Variants in SEM1 observed in about 807,000 individuals in gnomAD.
SEM1 encodes 26S proteasome complex subunit SEM1.
A neutral mutation model predicts 12.7 loss-of-function variants in SEM1; 3 were observed. The ratio of observed to expected loss-of-function variants is 0.24; its 90% CI spans 0.11 to 0.61. The LOEUF is 0.61. SEM1 is among the 20% of genes least tolerant of loss of function. SEM1 has a pLI of 0.88. For missense variants in SEM1, 59 were observed against 81.3 expected (o/e 0.73, Z 1.06); for synonymous variants, 30 against 27.8 (o/e 1.08, Z -0.25).
At chr7:96,483,566 T>A in exon 4 of SEM1, 1 of 405,502 alleles carries the variant, frequency 2.5e-6, no homozygotes. Context: ...TCTACTGGGC[T>A]CTATTTTCAC....
At chr7:96,483,818 C>T (rs1423873579) in exon 4 of SEM1, 4 of 1,535,894 alleles carry the variant, frequency 2.6e-6, no homozygotes, top group Non-Finnish European at 3.5e-6. Flanking sequence ...TAGATGTGGG[C>T]ACCATATGAC....
intron 2 of SEM1, among the ~76,000 whole-genome samples, chr7:96,680,930 G>A (rs527311465): frequency 1.1e-4 from 17 of 152,208 alleles, no homozygotes; most frequent in African/African-American, 3.6e-4. Flanking sequence ...CAGTATTGGA[G>A]AGCAATTTTT....
upstream of SEM1, among the ~76,000 whole-genome samples, chr7:96,496,835 C>CTGAAT (rs1803290488): frequency 6.6e-6 from 1 of 152,020 alleles, no homozygotes; most frequent in African/African-American, 2.4e-5. Context: ...TTTTTAAAGT[C>CTGAAT]TGAATTCCTC....
intron 3 of SEM1, among the ~76,000 whole-genome samples, chr7:96,504,514 C>T (rs1803683930): frequency 6.6e-6 from 1 of 152,088 alleles, no homozygotes; most frequent in South Asian, 2.1e-4. Context: ...CTATACCTCT[C>T]CTCATATTAT....
downstream of SEM1, among the ~76,000 whole-genome samples, chr7:96,684,349 G>A (rs573263215): frequency 3.9e-5 from 6 of 152,108 alleles, no homozygotes; most frequent in South Asian, 4.1e-4. Flanking sequence ...TACGGGGCAC[G>A]GGATTACTAA....
Position 96,603,616 on chromosome 7 carries a change from C to T in SEM1, c.170+91182G>A, listed in dbSNP as rs1807257040. ...TGGTGCCAGACCCCACTGTTTTCTC[C>T]ATTTGTTGTTTTTATTTTGTTTGCT... On this transcript the variant is annotated intron_variant and NMD_transcript_variant, in intron 2 of 3. Transcript: ENST00000466986. 2.0e-5 allele frequency among the ~76,000 whole-genome samples: 3 copies of T among 152,056 alleles called. No individual in the cohort carries two copies. In the South Asian group the frequency reaches 6.2e-4, roughly 32 times the overall value.
intron 2 of SEM1, among the ~76,000 whole-genome samples, chr7:96,625,789 G>A (rs1472067263): frequency 2.0e-5 from 3 of 152,292 alleles, no homozygotes; most frequent in South Asian, 2.1e-4. Flanking sequence ...GGGTTTACAC[G>A]TGGTGTGTAA....
chr7:96,635,096 G>T (rs368501175), intron 2 of SEM1, among the ~76,000 whole-genome samples: 180 of 152,048 alleles, frequency 1.2e-3, no homozygotes, highest in Middle Eastern at 6.8e-3. Context: ...GGAAGGAAGT[G>T]AATTAATTTG....
chr7:96,525,635 G>T (rs1198659468), intron 2 of SEM1, among the ~76,000 whole-genome samples: 1 of 151,974 alleles, frequency 6.6e-6, no homozygotes, highest in East Asian at 1.9e-4. Context: ...AAATTAAAAA[G>T]GTCTCCAAGT....
At chr7:96,513,032 T>C (rs1014433527) in intron 2 of SEM1, among the ~76,000 whole-genome samples, 1 of 152,108 alleles carries the variant, frequency 6.6e-6, no homozygotes. Context: ...TCGATCATAT[T>C]TGGAAACAGG....
At chr7:96,531,596 A>T (rs1479761158) in intron 2 of SEM1, among the ~76,000 whole-genome samples, 1 of 113,232 alleles carries the variant, frequency 8.8e-6, no homozygotes, top group Non-Finnish European at 1.9e-5. Flanking sequence ...CGACAGTGAG[A>T]CTCTGTGTGG....
At chr7:96,526,822 G>A (rs1280377341) in intron 2 of SEM1, among the ~76,000 whole-genome samples, 1 of 151,834 alleles carries the variant, frequency 6.6e-6, no homozygotes, top group East Asian at 1.9e-4. Flanking sequence ...TTGTTATCAA[G>A]CAGACATATT....
intron 2 of SEM1, among the ~76,000 whole-genome samples, chr7:96,543,339 A>T (rs1468451147): frequency 6.6e-6 from 1 of 152,024 alleles, no homozygotes; most frequent in African/African-American, 2.4e-5. Flanking sequence ...ACTGTTTGAT[A>T]TAAGGCACTT....
intron 2 of SEM1, chr7:96,486,195 C>G: frequency 6.6e-7 from 1 of 1,525,586 alleles, no homozygotes; most frequent in Non-Finnish European, 8.8e-7. Context: ...TGGCTGTCAT[C>G]TGCTTACCTG....
intron 2 of SEM1, among the ~76,000 whole-genome samples, chr7:96,577,473 A>C (rs1325629806): frequency 6.6e-6 from 1 of 152,092 alleles, no homozygotes; most frequent in Non-Finnish European, 1.5e-5. Flanking sequence ...TGTATTGATT[A>C]AATAACAAAA....
intron 2 of SEM1, among the ~76,000 whole-genome samples, chr7:96,692,141 T>C (rs2115849055): frequency 6.6e-6 from 1 of 152,284 alleles, no homozygotes. Flanking sequence ...AAATATATAA[T>C]GTTCTATTTC....
At chr7:96,698,057 T>A (rs534323095) in intron 1 of SEM1, among the ~76,000 whole-genome samples, 84 of 152,250 alleles carry the variant, frequency 5.5e-4, no homozygotes, top group African/African-American at 2.0e-3. Context: ...TAAACAATGT[T>A]TTTATTGGCA....
intron 2 of SEM1, among the ~76,000 whole-genome samples, chr7:96,608,904 T>C (rs930010472): frequency 6.6e-6 from 1 of 152,238 alleles, no homozygotes; most frequent in Non-Finnish European, 1.5e-5. Flanking sequence ...TTTTTGTGTG[T>C]ACAAATGTTT....
At chr7:96,689,995 T>G (rs1262624925) in intron 2 of SEM1, among the ~76,000 whole-genome samples, 2 of 152,174 alleles carry the variant, frequency 1.3e-5, no homozygotes, top group Non-Finnish European at 2.9e-5. Flanking sequence ...GAGAAAGTTA[T>G]ACAAATGTAA....
Sources: gnomAD v4.1 joint callset for allele counts (sites outside exome capture counted in the v4.1 genomes callset) on GRCh38, gnomAD v4.1.1 for gene constraint, MANE v1.5 for transcripts, NCBI Gene and HGNC (gene_info 2026-07-23, HGNC 2026-07-21) for gene names.